Variants in NEK11 observed in about 807,000 individuals in gnomAD.
The protein encoded by NEK11 is serine/threonine-protein kinase Nek11.
In NEK11, 72 loss-of-function variants were observed where a neutral mutation model predicts 80.7. The observed-to-expected ratio is 0.89, with a 90% CI of 0.74 to 1.08. The LOEUF (loss-of-function observed/expected upper bound fraction) is 1.08, where lower values mean the gene tolerates loss of function less well. NEK11 is among the 50% of genes least tolerant of loss of function. The probability of loss-of-function intolerance (pLI) is 0.00; values close to 1 mark genes in which losing one functional copy is unlikely to be tolerated. For missense variants in NEK11, 764 were observed against 763.6 expected, an observed-to-expected ratio of 1.00 and a Z score of -0.01; for synonymous variants, 251 against 260.7, an observed-to-expected ratio of 0.96 and a Z score of 0.36.
At chr3:131,300,622 T>C (rs1375914397) in intron 17 of NEK11, among the ~76,000 whole-genome samples, 1 of 152,184 alleles carries the variant, frequency 6.6e-6, no homozygotes, top group East Asian at 1.9e-4. Context: ...CCCAACACCA[T>C]TTATTGAATA....
chr3:131,195,627 G>C (rs184297767), intron 14 of NEK11, among the ~76,000 whole-genome samples: 8 of 152,108 alleles, frequency 5.3e-5, no homozygotes, highest in African/African-American at 1.9e-4. Context: ...AGTTGTGCCT[G>C]CTGTGTGCTG....
chr3:131,292,745 T>G (rs1304921231), intron 17 of NEK11, among the ~76,000 whole-genome samples: 1 of 152,184 alleles, frequency 6.6e-6, no homozygotes, highest in Non-Finnish European at 1.5e-5. Context: ...TCTCTCCATT[T>G]TTTTAGTTCT....
rs533721585 is a variant in NEK11, at chr3:131,224,924, T to G, written c.1400-3604T>G. On this transcript the variant is annotated intron_variant, in intron 14 of 17. Transcript: ENST00000383366. Reference sequence around the variant, plus strand: ...TGTTTTAAGCTAAGTGTTATTACAATAGAGTCAAGAAGTTTAAAAAATGTA... The same window carrying G: ...TGTTTTAAGCTAAGTGTTATTACAAGAGAGTCAAGAAGTTTAAAAAATGTA... 3.3e-5 allele frequency among the ~76,000 whole-genome samples: 5 copies of G among 152,284 alleles called. No homozygotes were observed. The South Asian group carries it at 1.0e-3, about 32-fold the overall frequency.
In NEK11 at chr3:131,109,915, A is replaced by T. The variant is rs147575246; in HGVS notation, c.449A>T (p.His150Leu). 3 of 1,597,120 alleles carry T rather than the reference A, an allele frequency of 1.9e-6. No homozygotes were observed. The highest frequency in any genetic ancestry group is 1.4e-5 in the African/African-American group (1 of 73,792). Residue 150 changes from histidine to leucine, a missense_variant, in exon 5 of 18, where the codon CAT (histidine) becomes CTT (leucine). Physicochemically the swap from His to Leu is moderately conservative, Grantham distance 99 (BLOSUM62 -3). Transcript: ENST00000383366. ...IQLLLGVDYM[H>L]ERRILHRDLK... ...CTGCTGCTGGGAGTTGACTACATGC[A>T]TGAGAGGTATGTTCATTTGCTACTG...
intron 17 of NEK11, among the ~76,000 whole-genome samples, chr3:131,291,526 A>G (rs1285629021): frequency 6.6e-6 from 1 of 152,224 alleles, no homozygotes; most frequent in Non-Finnish European, 1.5e-5. Flanking sequence ...GAAATCCTCC[A>G]AACTGTCTTC....
chr3:131,195,815 T>TATATATATATATATATAA (rs1305832619), intron 14 of NEK11, among the ~76,000 whole-genome samples: 2 of 146,804 alleles, frequency 1.4e-5, no homozygotes, highest in African/African-American at 5.0e-5. Flanking sequence ...TATATATATA[T>TATATATATATATATATAA]ATATAAAATT....
chr3:131,278,818 G>C (rs150188877), intron 17 of NEK11, among the ~76,000 whole-genome samples: 2 of 152,182 alleles, frequency 1.3e-5, no homozygotes, highest in African/African-American at 4.8e-5. Flanking sequence ...CTGGTGTCCT[G>C]TGCCTTACTA....
chr3:131,254,567 C>G (rs1001076117), intron 16 of NEK11, among the ~76,000 whole-genome samples: 2 of 152,184 alleles, frequency 1.3e-5, no homozygotes, highest in Non-Finnish European at 2.9e-5. Flanking sequence ...GACCTATTAA[C>G]ACATTAAAAG....
chr3:131,332,896 G>C (rs1229294893), intron 17 of NEK11, among the ~76,000 whole-genome samples: 1 of 152,084 alleles, frequency 6.6e-6, no homozygotes, highest in African/African-American at 2.4e-5. Flanking sequence ...ATGAAACGAA[G>C]CGAGAAGGGA....
chr3:131,331,276 G>A (rs1018083266), intron 17 of NEK11, among the ~76,000 whole-genome samples: 1 of 152,164 alleles, frequency 6.6e-6, no homozygotes, highest in Non-Finnish European at 1.5e-5. Context: ...CAGCAAAGAG[G>A]CAGTTTTCAG....
At chr3:131,062,144 A>G (rs1040052107) in intron 3 of NEK11, among the ~76,000 whole-genome samples, 4 of 152,240 alleles carry the variant, frequency 2.6e-5, no homozygotes, top group African/African-American at 9.6e-5. Context: ...TTGTTAGGCA[A>G]CAACATTCCC....
chr3:131,148,685 G>A (rs1560639762), intron 7 of NEK11, among the ~76,000 whole-genome samples: 17 of 151,422 alleles, frequency 1.1e-4, no homozygotes. Flanking sequence ...GTCTATCTCA[G>A]TTATTATTAT....
intron 17 of NEK11, chr3:131,325,295 C>T (rs1291287545): frequency 7.8e-6 from 1 of 127,804 alleles, no homozygotes; most frequent in Non-Finnish European, 1.6e-5. Flanking sequence ...CAAGAAATAA[C>T]TTATACCATT....
At chr3:131,080,636 T>C (rs1200772286) in intron 4 of NEK11, 48 bp downstream of exon 4, 7 of 1,524,136 alleles carry the variant, frequency 4.6e-6, no homozygotes, top group Non-Finnish European at 6.2e-6. Flanking sequence ...ACTTGCTGAA[T>C]GGTAAAAAGC....
chr3:131,147,639 T>G (rs1247713424), intron 7 of NEK11, among the ~76,000 whole-genome samples: 1 of 152,000 alleles, frequency 6.6e-6, no homozygotes. Flanking sequence ...AGGATTTTGG[T>G]TGGTATTTCA....
At chr3:131,079,974 G>A (rs1191305045) in intron 3 of NEK11, among the ~76,000 whole-genome samples, 2 of 151,462 alleles carry the variant, frequency 1.3e-5, no homozygotes, top group Non-Finnish European at 2.9e-5. Context: ...GGAAAGATAG[G>A]CAAAGAAAGA....
intron 14 of NEK11, among the ~76,000 whole-genome samples, chr3:131,185,899 T>C (rs757879028): frequency 2.0e-4 from 31 of 152,196 alleles, no homozygotes; most frequent in Non-Finnish European, 4.3e-4. Context: ...TCCTTACTTA[T>C]GGCATTTACC....
chr3:131,255,074 A>AGACAGACAGAC (rs1561221002), intron 16 of NEK11, among the ~76,000 whole-genome samples: 5 of 122,120 alleles, frequency 4.1e-5, no homozygotes, highest in African/African-American at 1.2e-4. Flanking sequence ...GACAGACAGA[A>AGACAGACAGAC]AGAAGGAAAG....
At chr3:131,053,637 T>C (rs1452176313) in intron 3 of NEK11, 1 of 152,252 alleles carries the variant, frequency 6.6e-6, no homozygotes, top group East Asian at 1.9e-4. Flanking sequence ...CTGAAGCATC[T>C]GAAGCAGCCA....
Sources: allele counts gnomAD v4.1 joint callset (sites outside exome capture counted in the v4.1 genomes callset), GRCh38; gene constraint gnomAD v4.1.1; transcripts MANE v1.5; gene names NCBI Gene and HGNC (gene_info 2026-07-23, HGNC 2026-07-21).